Variants in PPP4R3B observed in about 807,000 individuals in gnomAD.
The protein encoded by PPP4R3B is protein phosphatase 4 regulatory subunit 3B, also known as serine/threonine-protein phosphatase 4 regulatory subunit 3B.
Under a neutral mutation model 95.4 loss-of-function variants are expected in PPP4R3B, and 52 were observed. The ratio of observed to expected loss-of-function variants is 0.54; its 90% CI spans 0.44 to 0.69. The LOEUF is 0.69. Ranked by LOEUF, PPP4R3B falls within the 30% of genes least tolerant of loss-of-function variation. The probability of loss-of-function intolerance (pLI) is 0.00; values close to 1 mark genes in which losing one functional copy is unlikely to be tolerated. For missense variants in PPP4R3B, 1,003 were observed against 1,005.9 expected (o/e 1.00, Z 0.04); for synonymous variants, 407 against 343.9 (o/e 1.18, Z -2.03).
chr2:55,581,947 G>C (rs755346989), intron 7 of PPP4R3B, among the ~76,000 whole-genome samples: 1 of 151,218 alleles, frequency 6.6e-6, no homozygotes. Flanking sequence ...CAAAAGCAGA[G>C]CATGCTTCAA....
rs999462257 is a variant in PPP4R3B at position 55,578,484 on chromosome 2, T to C, written c.1469-142A>G. On this transcript the variant is annotated intron_variant, in intron 9 of 16. Coordinates refer to ENST00000616407, the MANE Select transcript of PPP4R3B (RefSeq NM_001122964.3). Reference sequence around the variant, plus strand: ...AAAAAATGCATTATTTTCATTTATATAAATGGAACCATTCTGCAAGAAAAC... The same window carrying C: ...AAAAAATGCATTATTTTCATTTATACAAATGGAACCATTCTGCAAGAAAAC... The C allele has an allele frequency of 8.0e-6, 7 of 871,010 alleles. No individual in the cohort carries two copies. The African/African-American group carries it at 8.7e-5, about 11-fold the overall frequency. 54.0% of individuals were successfully genotyped at this position (871,010 alleles called of 1,614,324 possible).
At chr2:55,608,631 C>G (rs1163535005) in intron 2 of PPP4R3B, among the ~76,000 whole-genome samples, 1 of 152,158 alleles carries the variant, frequency 6.6e-6, no homozygotes, top group African/African-American at 2.4e-5. Flanking sequence ...CAGATTGATA[C>G]TATTAAGTAT....
At chr2:55,587,874 G>A (rs1008203771) in intron 5 of PPP4R3B, among the ~76,000 whole-genome samples, 3 of 152,144 alleles carry the variant, frequency 2.0e-5, no homozygotes, top group African/African-American at 7.2e-5. Context: ...CTACACCAAA[G>A]ATGACTTAGA....
At chr2:55,567,799 C>T (rs763581065) in intron 13 of PPP4R3B, among the ~76,000 whole-genome samples, 9 of 152,064 alleles carry the variant, frequency 5.9e-5, no homozygotes, top group Admixed American at 1.3e-4. Flanking sequence ...TAAAAGATCA[C>T]GTGAATAAGG....
Position 55,569,046 on chromosome 2 carries a change from C to T in PPP4R3B, c.1766-683G>A, listed in dbSNP as rs539277892. Among the ~76,000 whole-genome samples, 32 of 152,048 alleles carry T rather than the reference C, an allele frequency of 2.1e-4. 1 individual carries two copies. In the South Asian group the frequency reaches 6.2e-3, roughly 30 times the overall value. The stretch of plus-strand genomic sequence containing the variant: ...ATGATTATATATGAATATCATTAAT[C>T]ATTAGTTTGCAGTAATTATTCTTTA... On this transcript the variant is annotated intron_variant, in intron 12 of 16. Transcript: ENST00000616407.
intron 4 of PPP4R3B, among the ~76,000 whole-genome samples, chr2:55,595,669 C>A (rs898833694): frequency 7.4e-5 from 11 of 149,168 alleles, no homozygotes; most frequent in African/African-American, 2.5e-4. Flanking sequence ...TAACAAATGA[C>A]AACCAGATAC....
At chr2:55,597,623 AAAAC>A (rs113216757) in intron 4 of PPP4R3B, among the ~76,000 whole-genome samples, 66 of 149,000 alleles carry the variant, frequency 4.4e-4, no homozygotes, top group Admixed American at 1.1e-3. Flanking sequence ...CTCCGTCTCA[AAAAC>A]AAACAAACAA....
At chr2:55,564,185 AAC>A (rs1686987334) in intron 15 of PPP4R3B, 126 bp downstream of exon 15, 4 of 666,384 alleles carry the variant, frequency 6.0e-6, no homozygotes, top group Admixed American at 3.8e-5. Flanking sequence ...ATTTTAAAAG[AAC>A]ACAGTTTGGT....
chr2:55,602,923 T>C (rs888034425), intron 3 of PPP4R3B, among the ~76,000 whole-genome samples: 7 of 151,982 alleles, frequency 4.6e-5, no homozygotes, highest in African/African-American at 1.7e-4. Context: ...AAAACAGTAA[T>C]AAACAAATTT....
Position 55,586,733 on chromosome 2 carries a change from A to C in PPP4R3B, c.1001T>G (p.Val334Gly). 2.5e-6 allele frequency: 4 copies of C among 1,580,954 alleles called. No individual in the cohort carries two copies. The highest frequency in any genetic ancestry group is 2.6e-6 in the Non-Finnish European group (3 of 1,158,142). The change falls in exon 6 of 17, where the codon GTT becomes GGT. Residue 334 changes from valine (V) to glycine (G), a missense_variant and splice_region_variant. This residue lies in a region of PPP4R3B where 695 missense variants were observed against 686.2 expected (regional missense o/e 1.01). Transcript: ENST00000616407. ...ATDDDKRREL[V>G]NFFKEFCAFS... ...TGCACAAAACTCCTTGAAAAAATTA[A>C]CCTGTAATGTCAGAAATTTTAGTGA...
chr2:55,554,336 A>C (rs930133217), intron 16 of PPP4R3B, among the ~76,000 whole-genome samples: 1 of 152,226 alleles, frequency 6.6e-6, no homozygotes, highest in African/African-American at 2.4e-5. Flanking sequence ...TTACAGGCAT[A>C]AGCCTATGCA....
At chr2:55,615,322 G>T in intron 2 of PPP4R3B, 129 bp downstream of exon 2, 1 of 738,848 alleles carries the variant, frequency 1.4e-6, no homozygotes, top group Non-Finnish European at 2.2e-6. Context: ...ACCTGCAAGA[G>T]AAATACACAT....
chr2:55,578,448 A>G (rs75949366), intron 9 of PPP4R3B, 106 bp from the exon 10 acceptor site: 33,200 of 1,076,812 alleles, frequency 0.031, 599 homozygotes, highest in Non-Finnish European at 0.034. Flanking sequence ...GTGTTTTATT[A>G]AAATGAACAT....
chr2:55,612,033 T>C (rs1572748429), intron 2 of PPP4R3B, among the ~76,000 whole-genome samples: 1 of 152,156 alleles, frequency 6.6e-6, no homozygotes, highest in South Asian at 2.1e-4. Context: ...ATGCCTGCCA[T>C]AGTCAACATA....
At chr2:55,593,162 T>C (rs1434198006) in intron 4 of PPP4R3B, among the ~76,000 whole-genome samples, 1 of 152,008 alleles carries the variant, frequency 6.6e-6, no homozygotes, top group Admixed American at 6.6e-5. Context: ...TGTCTCAAAA[T>C]AAATAAATAA....
Position 55,578,225 on chromosome 2 carries a change from ATACAC to A in PPP4R3B, c.1564+17_1564+21del, listed in dbSNP as rs2104178976. The A allele has an allele frequency of 7.2e-7, 1 of 1,392,402 alleles. No homozygotes were observed. The highest frequency in any genetic ancestry group is 2.7e-5 in the East Asian group (1 of 36,594). 86.3% of individuals were successfully genotyped at this position (1,392,402 alleles called of 1,614,324 possible). A position where few individuals can be genotyped will look rare whatever the true frequency, so the allele number is the denominator to read the frequency against. Reference sequence around the variant, plus strand: ...AACAACATAAGTAAATATAGGAGTGATACACTCCAAATTCAGCATACCTTGAGAGA... The same window carrying A: ...AACAACATAAGTAAATATAGGAGTGATCCAAATTCAGCATACCTTGAGAGA... On this transcript the variant is annotated intron_variant, in intron 10 of 16. Coordinates refer to ENST00000616407, the MANE Select transcript of PPP4R3B (RefSeq NM_001122964.3).
intron 7 of PPP4R3B, 27 bp from the exon 8 acceptor site, chr2:55,581,725 A>G (rs1341506438): frequency 2.5e-6 from 4 of 1,604,636 alleles, no homozygotes; most frequent in South Asian, 1.1e-5. Flanking sequence ...ACAAAACAAA[A>G]CATGTTTCCA....
At chr2:55,566,387 T>C (rs764820244) in intron 13 of PPP4R3B, among the ~76,000 whole-genome samples, 4 of 152,170 alleles carry the variant, frequency 2.6e-5, no homozygotes, top group Admixed American at 6.5e-5. Flanking sequence ...AGGGACAGGG[T>C]TGTAAACTCT....
intron 12 of PPP4R3B, among the ~76,000 whole-genome samples, chr2:55,571,004 T>C (rs2104028793): frequency 6.6e-6 from 1 of 152,254 alleles, no homozygotes; most frequent in East Asian, 1.9e-4. Flanking sequence ...TGAAACAATA[T>C]AAACATTTAA....
Sources: allele counts gnomAD v4.1 joint callset (sites outside exome capture counted in the v4.1 genomes callset), GRCh38; gene constraint gnomAD v4.1.1; regional missense constraint gnomAD v4.1.1; transcripts MANE v1.5; gene names NCBI Gene and HGNC (gene_info 2026-07-23, HGNC 2026-07-21).